Variants in LINGO2 observed in about 807,000 individuals in gnomAD.
LINGO2 encodes leucine-rich repeat and immunoglobulin-like domain-containing nogo receptor-interacting protein 2.
In LINGO2, 14 loss-of-function variants were observed where a neutral mutation model predicts 30.6. The ratio of observed to expected loss-of-function variants is 0.46; its 90% CI spans 0.30 to 0.72. The LOEUF is 0.72. LINGO2 is among the 30% of genes least tolerant of loss of function. The pLI is 0.07. For missense variants in LINGO2, 729 were observed against 751.7 expected (o/e 0.97, Z 0.35); for synonymous variants, 317 against 288.5 (o/e 1.10, Z -1.00).
chr9:28,384,839 T>A (rs79126511), intron 2 of LINGO2, among the ~76,000 whole-genome samples: 3 of 62,800 alleles, frequency 4.8e-5, no homozygotes, highest in East Asian at 7.1e-4. Flanking sequence ...AAAAAAAAAA[T>A]GTCTTCACAT....
At chr9:28,157,382 G>T (rs531479986) in intron 4 of LINGO2, among the ~76,000 whole-genome samples, 341 of 152,278 alleles carry the variant, frequency 2.2e-3, no homozygotes, top group Non-Finnish European at 3.3e-3. Context: ...AGGGCACCAA[G>T]TCCCTAGGCT....
intron 1 of LINGO2, among the ~76,000 whole-genome samples, chr9:28,564,350 G>A (rs567413652): frequency 6.6e-6 from 1 of 152,146 alleles, no homozygotes; most frequent in African/African-American, 2.4e-5. Context: ...TAGATGAACC[G>A]GGAGTAGATA....
chr9:28,382,218 CTT>C (rs1334525152), intron 2 of LINGO2, among the ~76,000 whole-genome samples: 6 of 152,068 alleles, frequency 3.9e-5, no homozygotes, highest in Non-Finnish European at 8.8e-5. Context: ...CTTTAATACT[CTT>C]TGTGATTATT....
At chr9:29,183,401 G>A in the LINGO2 span, among the ~76,000 whole-genome samples, 124 of 152,288 alleles carry the variant, frequency 8.1e-4, no homozygotes, top group South Asian at 4.1e-3. Flanking sequence ...CAGCCGGATG[G>A]TGCCAGTAAC....
At chr9:28,283,766 G>A (rs574941146) in intron 4 of LINGO2, among the ~76,000 whole-genome samples, 4 of 152,024 alleles carry the variant, frequency 2.6e-5, no homozygotes, top group East Asian at 3.9e-4. Context: ...CCTGTATTAA[G>A]GCTGTTATTT....
At chr9:27,961,450 C>T (rs534908794) in intron 5 of LINGO2, among the ~76,000 whole-genome samples, 48 of 152,160 alleles carry the variant, frequency 3.2e-4, no homozygotes, top group Admixed American at 6.5e-4. Flanking sequence ...GGCATGGAGA[C>T]AGTAAGAAAC....
chr9:28,738,830 T>C, the LINGO2 span, among the ~76,000 whole-genome samples: 1 of 152,062 alleles, frequency 6.6e-6, no homozygotes, highest in Non-Finnish European at 1.5e-5. Flanking sequence ...TAAAAATAGA[T>C]ATTTTAAGTA....
chr9:29,070,076 C>T, the LINGO2 span, among the ~76,000 whole-genome samples: 2 of 131,052 alleles, frequency 1.5e-5, no homozygotes, highest in Non-Finnish European at 1.7e-5. Flanking sequence ...TATATATATA[C>T]ACACACACAT....
chr9:28,580,373 C>T (rs908190777), intron 1 of LINGO2, among the ~76,000 whole-genome samples: 19 of 151,996 alleles, frequency 1.3e-4, no homozygotes, highest in African/African-American at 4.1e-4. Flanking sequence ...GGTTTTAAGG[C>T]AAAACACTTA....
intron 4 of LINGO2, among the ~76,000 whole-genome samples, chr9:28,092,437 G>T (rs939898078): frequency 6.6e-6 from 1 of 150,990 alleles, no homozygotes; most frequent in Non-Finnish European, 1.5e-5. Flanking sequence ...TCAGCAAACT[G>T]TCGCAAGGAC....
intron 4 of LINGO2, among the ~76,000 whole-genome samples, chr9:28,176,912 A>T (rs886719098): frequency 6.6e-6 from 1 of 152,136 alleles, no homozygotes; most frequent in Non-Finnish European, 1.5e-5. Flanking sequence ...TTTCCTGACA[A>T]CTTCCTATAC....
intron 1 of LINGO2, among the ~76,000 whole-genome samples, chr9:28,579,026 A>T (rs942712654): frequency 4.0e-5 from 6 of 149,834 alleles, no homozygotes; most frequent in Admixed American, 2.7e-4. Context: ...GTAAGATGTA[A>T]TTATTTGAAA....
intron 2 of LINGO2, among the ~76,000 whole-genome samples, chr9:28,387,490 C>T (rs1382858343): frequency 6.6e-6 from 1 of 152,200 alleles, no homozygotes; most frequent in African/African-American, 2.4e-5. Flanking sequence ...CTCCTGGGGG[C>T]CCCTTCCACG....
At chr9:28,354,015 G>T (rs995747712) in intron 3 of LINGO2, among the ~76,000 whole-genome samples, 2 of 152,096 alleles carry the variant, frequency 1.3e-5, no homozygotes, top group African/African-American at 2.4e-5. Flanking sequence ...GGGTGGGTGA[G>T]GGGGCAGGGA....
At chr9:28,518,466 A>G (rs182350339) in intron 1 of LINGO2, among the ~76,000 whole-genome samples, 1 of 152,308 alleles carries the variant, frequency 6.6e-6, no homozygotes, top group Admixed American at 6.5e-5. Flanking sequence ...ACTTGGAACT[A>G]AAGTCATATG....
chr9:28,430,107 C>CATGTGT, intron 2 of LINGO2, among the ~76,000 whole-genome samples: 1 of 18,228 alleles, frequency 5.5e-5, no homozygotes, highest in South Asian at 1.7e-3. Flanking sequence ...CGCGCGCGCG[C>CATGTGT]GCGTGTGTGT....
At chr9:28,861,736 C>A in the LINGO2 span, among the ~76,000 whole-genome samples, 2 of 151,848 alleles carry the variant, frequency 1.3e-5, no homozygotes, top group African/African-American at 2.4e-5. Flanking sequence ...TGCACCCCAG[C>A]CAGGGCAACA....
At chr9:28,779,468 G>T in the LINGO2 span, among the ~76,000 whole-genome samples, 157 of 152,198 alleles carry the variant, frequency 1.0e-3, 1 homozygote, top group African/African-American at 3.5e-3. Flanking sequence ...AAAACCATGT[G>T]TTTTCCCCTG....
chr9:28,247,724 C>T (rs536896492), intron 4 of LINGO2, among the ~76,000 whole-genome samples: 36 of 152,138 alleles, frequency 2.4e-4, no homozygotes, highest in African/African-American at 8.7e-4. Flanking sequence ...AACACGCCTG[C>T]ATGATCTGCA....
Sources: allele counts gnomAD v4.1 joint callset (sites outside exome capture counted in the v4.1 genomes callset), GRCh38; gene constraint gnomAD v4.1.1; transcripts MANE v1.5; gene names NCBI Gene and HGNC (gene_info 2026-07-23, HGNC 2026-07-21).